The following WWOX variants were observed in gnomAD, a reference collection of about 807,000 sequenced individuals.
WWOX encodes the protein WW domain-containing oxidoreductase.
A neutral mutation model predicts 46.2 loss-of-function variants in WWOX; 69 were observed. The observed-to-expected ratio is 1.49, with a 90% CI of 1.23 to 1.82. The LOEUF is 1.82. Ranked by LOEUF, WWOX falls within the 40% of genes most tolerant of loss-of-function variation. The pLI is 0.00. For missense variants in WWOX, 919 were observed against 542.6 expected, an observed-to-expected ratio of 1.69 and a Z score of -6.89; for synonymous variants, 359 against 202.6, an observed-to-expected ratio of 1.77 and a Z score of -6.56.
intron 5 of WWOX, among the ~76,000 whole-genome samples, chr16:78,231,369 A>G (rs1364402290): frequency 2.0e-5 from 3 of 152,220 alleles, no homozygotes; most frequent in African/African-American, 7.2e-5. Context: ...TCTGAATGCA[A>G]ATTAATCAAC....
At chr16:78,800,301 C>T (rs1339095380) in intron 8 of WWOX, among the ~76,000 whole-genome samples, 2 of 151,974 alleles carry the variant, frequency 1.3e-5, no homozygotes, top group South Asian at 4.2e-4. Context: ...ATGCCAGGGC[C>T]TGTTTTTCTG....
At chr16:78,557,513 C>T (rs1475948724) in intron 8 of WWOX, among the ~76,000 whole-genome samples, 1 of 151,958 alleles carries the variant, frequency 6.6e-6, no homozygotes, top group African/African-American at 2.4e-5. Context: ...AGCACTGGGC[C>T]CATGGAGCCC....
At chr16:78,755,029 C>G (rs1351206718) in intron 8 of WWOX, among the ~76,000 whole-genome samples, 2 of 145,666 alleles carry the variant, frequency 1.4e-5, no homozygotes, top group Non-Finnish European at 3.0e-5. Context: ...GGGGGAACAT[C>G]ACACACCGGG....
chr16:79,191,720 C>G (rs1466038288), intron 8 of WWOX, among the ~76,000 whole-genome samples: 2 of 152,158 alleles, frequency 1.3e-5, no homozygotes, highest in Non-Finnish European at 2.9e-5. Context: ...CCCAACCTGG[C>G]AAATGTGTGC....
intron 8 of WWOX, among the ~76,000 whole-genome samples, chr16:78,989,909 A>T (rs1484874277): frequency 2.6e-5 from 4 of 151,192 alleles, no homozygotes; most frequent in African/African-American, 9.7e-5. Context: ...GATTCCAGGT[A>T]CAGTGGCTCA....
chr16:78,542,806 C>T (rs1305284416), intron 8 of WWOX, among the ~76,000 whole-genome samples: 1 of 152,076 alleles, frequency 6.6e-6, no homozygotes, highest in Admixed American at 6.6e-5. Flanking sequence ...CGTTTCCTTT[C>T]TTTCTTTCTT....
chr16:78,621,492 C>T (rs1024300172), intron 8 of WWOX, among the ~76,000 whole-genome samples: 3 of 149,916 alleles, frequency 2.0e-5, no homozygotes, highest in African/African-American at 7.4e-5. Flanking sequence ...CTTAGATACA[C>T]ATTTCCATTT....
At chr16:78,726,663 T>A (rs545303249) in intron 8 of WWOX, among the ~76,000 whole-genome samples, 1 of 152,176 alleles carries the variant, frequency 6.6e-6, no homozygotes, top group South Asian at 2.1e-4. Flanking sequence ...CTAAACAATT[T>A]ATTAGGGCTT....
intron 6 of WWOX, among the ~76,000 whole-genome samples, chr16:78,424,065 T>C (rs1208326436): frequency 6.6e-6 from 1 of 151,642 alleles, no homozygotes; most frequent in East Asian, 1.9e-4. Flanking sequence ...GTGTCAGTTG[T>C]TTTGTTTTTT....
chr16:78,372,519 A>C (rs1194512068), intron 5 of WWOX, among the ~76,000 whole-genome samples: 1 of 152,192 alleles, frequency 6.6e-6, no homozygotes, highest in Non-Finnish European at 1.5e-5. Context: ...GTAAGAGAGC[A>C]TTCTTTATCC....
chr16:78,174,021 TGA>T (rs1297175355), intron 5 of WWOX, among the ~76,000 whole-genome samples: 1 of 152,094 alleles, frequency 6.6e-6, no homozygotes, highest in African/African-American at 2.4e-5. Flanking sequence ...AATCCCTTCA[TGA>T]GGATTCCACT....
intron 8 of WWOX, among the ~76,000 whole-genome samples, chr16:78,577,916 A>C (rs117238323): frequency 3.3e-5 from 5 of 152,056 alleles, no homozygotes; most frequent in Admixed American, 6.5e-5. Flanking sequence ...GTTTCTTGCT[A>C]TCAGTTGTAC....
chr16:79,099,867 T>G (rs142587206), intron 8 of WWOX, among the ~76,000 whole-genome samples: 30 of 152,274 alleles, frequency 2.0e-4, no homozygotes, highest in East Asian at 1.2e-3. Flanking sequence ...AGAAACAGAT[T>G]TATTGCAAGG....
chr16:78,785,460 C>G (rs561445445), intron 8 of WWOX, among the ~76,000 whole-genome samples: 5 of 152,310 alleles, frequency 3.3e-5, no homozygotes, highest in Admixed American at 2.6e-4. Flanking sequence ...AACTGGCTCT[C>G]TGAAAAACAA....
At chr16:79,078,744 T>C (rs2048705904) in intron 8 of WWOX, among the ~76,000 whole-genome samples, 1 of 152,242 alleles carries the variant, frequency 6.6e-6, no homozygotes, top group Non-Finnish European at 1.5e-5. Context: ...TCAACCATGA[T>C]GATTTCTGGT....
intron 8 of WWOX, among the ~76,000 whole-genome samples, chr16:78,785,996 T>C (rs1251695798): frequency 6.6e-6 from 1 of 152,218 alleles, no homozygotes; most frequent in East Asian, 1.9e-4. Context: ...AACCTCCGCC[T>C]CCTGGGTTCA....
intron 8 of WWOX, among the ~76,000 whole-genome samples, chr16:78,437,769 A>G: frequency 6.6e-6 from 1 of 152,336 alleles, no homozygotes; most frequent in East Asian, 1.9e-4. Flanking sequence ...GTTAAAGGAA[A>G]CTAACATTTG....
chr16:78,539,756 G>A (rs937308104), intron 8 of WWOX, among the ~76,000 whole-genome samples: 1 of 152,172 alleles, frequency 6.6e-6, no homozygotes, highest in Non-Finnish European at 1.5e-5. Context: ...TAATGTCGGG[G>A]TGAGATGCAA....
intron 8 of WWOX, among the ~76,000 whole-genome samples, chr16:78,719,645 G>T (rs1444746399): frequency 1.3e-5 from 2 of 152,156 alleles, no homozygotes; most frequent in Non-Finnish European, 2.9e-5. Flanking sequence ...AAGTTAGATT[G>T]CTCTGTCTTA....
Sources: allele counts gnomAD v4.1 joint callset (sites outside exome capture counted in the v4.1 genomes callset), GRCh38; gene constraint gnomAD v4.1.1; transcripts MANE v1.5; gene names NCBI Gene and HGNC (gene_info 2026-07-23, HGNC 2026-07-21).